KDM5A: variants seen among roughly 807,000 people sequenced by gnomAD.
KDM5A encodes the protein lysine demethylase 5A.
Under a neutral mutation model 193.5 loss-of-function variants are expected in KDM5A, and 42 were observed. That is an observed-to-expected ratio of 0.22 (90% CI 0.17 to 0.28). The LOEUF (loss-of-function observed/expected upper bound fraction) is 0.28, where lower values mean the gene tolerates loss of function less well. Ranked by LOEUF, KDM5A falls within the 10% of genes least tolerant of loss-of-function variation. The pLI is 1.00. For missense variants in KDM5A, 1,692 were observed against 2,055.1 expected (o/e 0.82, Z 3.42); for synonymous variants, 796 against 718.1 (o/e 1.11, Z -1.73).
In KDM5A at chr12:333,587, A is replaced by C; in HGVS notation, c.1553T>G (p.Met518Arg). 1 of 1,614,104 alleles carries C rather than the reference A, an allele frequency of 6.2e-7. No homozygotes were observed. The highest frequency in any genetic ancestry group is 8.5e-7 in the Non-Finnish European group (1 of 1,179,996). ...AAATAACTCGGGGGCCAGCTCTCTC[A>C]TCACCTCCTCCAGTTGCTCTGCAGC... is the stretch of plus-strand genomic sequence containing the variant. Reference protein sequence around the residue: ...SHAAEQLEEVMRELAPELFES... With the variant: ...SHAAEQLEEVRRELAPELFES... Residue 518 changes from methionine to arginine, a missense_variant, in exon 12 of 28, where the codon ATG (methionine) becomes AGG (arginine). Transcript: ENST00000399788.
At chr12:380,794 G>T (rs1944563699) in intron 3 of KDM5A, among the ~76,000 whole-genome samples, 3 of 150,752 alleles carry the variant, frequency 2.0e-5, no homozygotes, top group African/African-American at 7.3e-5. Flanking sequence ...AATAATTTTT[G>T]AAAAAAAAAT....
chr12:311,353 CAGTT>C (rs778000262), intron 20 of KDM5A: 1 of 402,148 alleles, frequency 2.5e-6, no homozygotes, highest in Non-Finnish European at 4.6e-6. Flanking sequence ...TATATAAACA[CAGTT>C]AGCAGGCCAG....
chr12:286,907 T>C (rs763452378), intron 27 of KDM5A, among the ~76,000 whole-genome samples: 2 of 152,186 alleles, frequency 1.3e-5, no homozygotes, highest in Non-Finnish European at 2.9e-5. Context: ...ACATCAAGAT[T>C]ACTCAACTCA....
chr12:353,939 C>A, intron 8 of KDM5A, 137 bp downstream of exon 8: 2 of 588,580 alleles, frequency 3.4e-6, no homozygotes. Flanking sequence ...AAAAAAAAGT[C>A]CTGGAAATTT....
In KDM5A at chr12:330,054, AGTGTGTGT is replaced by A. The variant is rs148451707; in HGVS notation, c.1774-1033_1774-1026del. On this transcript the variant is annotated intron_variant, in intron 13 of 27. Coordinates refer to ENST00000399788, the MANE Select transcript of KDM5A (RefSeq NM_001042603.3). The stretch of plus-strand genomic sequence containing the variant: ...AAAGAAAAAACTTTCCAAAGGAAAA[AGTGTGTGT>A]GTGTGTGTGTGTGTGTGTGTGTGTA... Among the ~76,000 whole-genome samples the A allele has an allele frequency of 2.9e-3, 407 of 142,330 alleles. 2 individuals are homozygous for A. Among genetic ancestry groups the A allele is most frequent in the African/African-American group, 7.8e-3 (295 of 37,848 alleles). The allele number at this position is 142,330 out of a possible 152,430, so 93.4% of individuals were successfully genotyped here.
At chr12:358,784 CA>C (rs1944257207) in intron 5 of KDM5A, among the ~76,000 whole-genome samples, 1 of 151,854 alleles carries the variant, frequency 6.6e-6, no homozygotes, top group South Asian at 2.1e-4. Flanking sequence ...CCAGCCTGGA[CA>C]ATATGGTGAA....
At chr12:369,643 G>A (rs1430184288) in intron 3 of KDM5A, among the ~76,000 whole-genome samples, 6 of 152,154 alleles carry the variant, frequency 3.9e-5, no homozygotes, top group Admixed American at 3.9e-4. Context: ...TTAACTAGCA[G>A]ATATAAAGGG....
At chr12:303,700 C>T (rs552552713) in intron 24 of KDM5A, among the ~76,000 whole-genome samples, 4 of 152,236 alleles carry the variant, frequency 2.6e-5, no homozygotes, top group African/African-American at 9.6e-5. Flanking sequence ...AGTCTACAAC[C>T]TATAATAACT....
chr12:345,938 G>A (rs1450683937), intron 10 of KDM5A, among the ~76,000 whole-genome samples: 2 of 152,112 alleles, frequency 1.3e-5, no homozygotes, highest in East Asian at 3.9e-4. Flanking sequence ...GAAAGACAGA[G>A]AGACACAAAA....
chr12:330,438 C>T (rs1023206835), intron 13 of KDM5A, among the ~76,000 whole-genome samples: 13 of 152,110 alleles, frequency 8.5e-5, no homozygotes, highest in Admixed American at 3.9e-4. Flanking sequence ...AATCTATCAG[C>T]ATCTTTACAT....
intron 24 of KDM5A, among the ~76,000 whole-genome samples, chr12:297,935 A>G (rs1056905075): frequency 6.6e-6 from 1 of 152,192 alleles, no homozygotes; most frequent in African/African-American, 2.4e-5. Context: ...AGAGAGTGTT[A>G]AGGTCAAAAA....
chr12:360,449 C>A (rs147926609), intron 5 of KDM5A, among the ~76,000 whole-genome samples: 7 of 151,842 alleles, frequency 4.6e-5, no homozygotes, highest in Non-Finnish European at 8.8e-5. Flanking sequence ...AGGAGGAAAA[C>A]CAGAAGAGAA....
chr12:381,176 T>C (rs1452081314), intron 3 of KDM5A, among the ~76,000 whole-genome samples: 1 of 152,082 alleles, frequency 6.6e-6, no homozygotes, highest in East Asian at 1.9e-4. Flanking sequence ...GTATTTTTAG[T>C]AGAGACGAGG....
At chr12:365,167 C>A (rs1265290390) in intron 4 of KDM5A, among the ~76,000 whole-genome samples, 1 of 152,096 alleles carries the variant, frequency 6.6e-6, no homozygotes, top group Non-Finnish European at 1.5e-5. Context: ...ATCATCCTAC[C>A]ACAGTCTCTG....
intron 3 of KDM5A, 103 bp downstream of exon 3, chr12:383,928 T>A: frequency 2.4e-6 from 3 of 1,273,266 alleles, no homozygotes; most frequent in Non-Finnish European, 3.4e-6. Context: ...CATTTCATTG[T>A]CAAACAAATC....
At position 292,873 on chromosome 12, in the gene KDM5A, T is replaced by G. The variant is rs1565523355; in HGVS notation, c.4752A>C (p.Arg1584Ser). Residue 1584 changes from arginine (R) to serine (S), a missense_variant, in exon 27 of 28, where the codon AGA (arginine) becomes AGC (serine). By Grantham distance (110) the Arg-to-Ser change is moderately radical. Coordinates refer to ENST00000399788, the MANE Select transcript of KDM5A (RefSeq NM_001042603.3). ...AGGGGATGTCCAGCACCTTTTTCTCTCTTTTCTTTTCAGTGCTCTCTTTCA... is the reference window on the plus strand; with the variant it reads ...AGGGGATGTCCAGCACCTTTTTCTCGCTTTTCTTTTCAGTGCTCTCTTTCA... ...ELVKESTEKK[R>S]EKKVLDIPSK... 2 of 1,614,202 alleles carry G rather than the reference T, an allele frequency of 1.2e-6. No homozygotes were observed. Among genetic ancestry groups the G allele is most frequent in the Non-Finnish European group, 1.7e-6 (2 of 1,180,036 alleles).
chr12:292,592 T>TA (rs1943310716), intron 27 of KDM5A, among the ~76,000 whole-genome samples, 167 bp downstream of exon 27: 1 of 152,260 alleles, frequency 6.6e-6, no homozygotes, highest in Non-Finnish European at 1.5e-5. Flanking sequence ...CTAGGCACAC[T>TA]AAGAGCCTCA....
In KDM5A at chr12:310,966, T is replaced by G; in HGVS notation, c.3135A>C (p.Ser1045=). The G allele has an allele frequency of 6.2e-7, 1 of 1,614,236 alleles. No homozygotes were observed. Among genetic ancestry groups the G allele is most frequent in the Non-Finnish European group, 8.5e-7 (1 of 1,180,032 alleles). The change falls in exon 21 of 28, where the codon TCA becomes TCC. Residue 1045 remains serine (S), a synonymous_variant. Transcript: ENST00000399788. ...VRLEALPQVE[S]QVAAARAWRE... The stretch of plus-strand genomic sequence containing the variant: ...TCCATGCCCGTGCTGCTGCTACCTG[T>G]GATTCCACTTGCGGCAGTGCTTCAA...
intron 3 of KDM5A, among the ~76,000 whole-genome samples, chr12:368,224 C>T (rs1591935257): frequency 6.6e-6 from 1 of 152,164 alleles, no homozygotes. Flanking sequence ...TTCATAGAGA[C>T]AGAAAGCATA....
Sources: allele counts gnomAD v4.1 joint callset (sites outside exome capture counted in the v4.1 genomes callset), GRCh38; gene constraint gnomAD v4.1.1; transcripts MANE v1.5; gene names NCBI Gene and HGNC (gene_info 2026-07-23, HGNC 2026-07-21).